The following FSIP2 variants were observed in gnomAD, a reference collection of about 807,000 sequenced individuals.
FSIP2 encodes the protein fibrous sheath interacting protein 2, also known as fibrous sheath-interacting protein 2.
Under a neutral mutation model 510.5 loss-of-function variants are expected in FSIP2, and 367 were observed. That is an observed-to-expected ratio of 0.72 (90% CI 0.66 to 0.78). The LOEUF (loss-of-function observed/expected upper bound fraction) is 0.78, where lower values mean the gene tolerates loss of function less well. Among genes scored for constraint, FSIP2 ranks in the 30% least tolerant of loss-of-function variants. The pLI is 0.00. For missense variants in FSIP2, 7,594 were observed against 7,901.7 expected (o/e 0.96, Z 1.48); for synonymous variants, 2,601 against 2,732.2 (o/e 0.95, Z 1.50).
intron 2 of FSIP2, among the ~76,000 whole-genome samples, chr2:185,741,867 G>A (rs934026830): frequency 1.3e-5 from 2 of 152,066 alleles, no homozygotes; most frequent in African/African-American, 2.4e-5. Flanking sequence ...CCTACCTTTC[G>A]AGAGTTCTTA....
chr2:185,747,893 A>G (rs534799427), intron 7 of FSIP2, among the ~76,000 whole-genome samples: 6 of 152,136 alleles, frequency 3.9e-5, no homozygotes. Context: ...ACACCCCCCA[A>G]CAATGTTTCC....
chr2:185,801,146 A>T lies in FSIP2; in HGVS notation c.11840A>T (p.Gln3947Leu). ...TCTTCTGTGTCACCTTTTGAAAGAC[A>T]GAGAACAAAGGAAATGGATAAGGTA... is the stretch of plus-strand genomic sequence containing the variant. ...KSSSVSPFER[Q>L]RTKEMDKVAI... The change falls in exon 17 of 23, where the codon CAG (glutamine) becomes CTG (leucine). Residue 3947 changes from glutamine (Q) to leucine (L), a missense_variant. Transcript: ENST00000424728. The T allele has an allele frequency of 6.5e-7, 1 of 1,533,944 alleles. No individual in the cohort carries two copies. The highest frequency in any genetic ancestry group is 8.7e-7 in the Non-Finnish European group (1 of 1,145,512).
In FSIP2 at chr2:185,800,177, A is replaced by C; in HGVS notation, c.10871A>C (p.His3624Pro). Residue 3624 changes from histidine to proline, a missense_variant, in exon 17 of 23, where the codon CAC (histidine) becomes CCC (proline). Transcript: ENST00000424728. Reference protein sequence around the residue: ...VLSKEIEVDYHFESNVRNKSF... With the variant: ...VLSKEIEVDYPFESNVRNKSF... ...TCCAAAGAAATAGAAGTAGATTATC[A>C]CTTTGAAAGCAATGTAAGAAACAAA... 6.5e-7 allele frequency: 1 copy of C among 1,533,100 alleles called. No homozygotes were observed. Among genetic ancestry groups the C allele is most frequent in the Non-Finnish European group, 8.7e-7 (1 of 1,145,264 alleles). 95.0% of individuals were successfully genotyped at this position (1,533,100 alleles called of 1,614,324 possible).
At position 185,801,032 on chromosome 2, in the gene FSIP2, G is replaced by C. The variant is rs942030306; in HGVS notation, c.11726G>C (p.Ser3909Thr). The C allele has an allele frequency of 1.3e-6, 2 of 1,531,812 alleles. No homozygotes were observed. The highest frequency in any genetic ancestry group is 1.2e-5 in the South Asian group (1 of 83,742). 94.9% of individuals were successfully genotyped at this position (1,531,812 alleles called of 1,614,324 possible). ...TCTTTAGAACTCAGGAGCTATGATAGTAATTCTTTGACAGTATCCCTGAAT... is the reference window on the plus strand; with the variant it reads ...TCTTTAGAACTCAGGAGCTATGATACTAATTCTTTGACAGTATCCCTGAAT... ...KSSLELRSYDSNSLTVSLNNP... is the reference protein window; with the variant it reads ...KSSLELRSYDTNSLTVSLNNP... The change falls in exon 17 of 23, where the codon AGT becomes ACT. Residue 3909 changes from serine (S) to threonine (T), a missense_variant. Transcript: ENST00000424728.
rs1420339207 is a variant in FSIP2 at position 185,799,859 on chromosome 2, C to T, written c.10553C>T (p.Thr3518Ile). ...TTAACTTCGAGCATTTCTGATGGCA[C>T]CAAAAAGGGTAGAGAAAAAGAGAAA... ...YHLTSSISDG[T>I]KKGREKEKAW... Residue 3518 changes from threonine (T) to isoleucine (I), a missense_variant, in exon 17 of 23, where the codon ACC becomes ATC. Thr to Ile is a moderately conservative substitution (Grantham distance 89, BLOSUM62 -1). Coordinates refer to ENST00000424728, the MANE Select transcript of FSIP2 (RefSeq NM_173651.4). The T allele has an allele frequency of 8.5e-6, 13 of 1,532,636 alleles. No homozygotes were observed. The East Asian group carries it at 2.9e-4, about 35-fold the overall frequency. 94.9% of individuals were successfully genotyped at this position (1,532,636 alleles called of 1,614,324 possible).
chr2:185,764,220 G>C (rs1179066099), intron 12 of FSIP2, among the ~76,000 whole-genome samples: 1 of 151,592 alleles, frequency 6.6e-6, no homozygotes, highest in East Asian at 1.9e-4. Context: ...AGATGTGTTA[G>C]ATGAAAGTAC....
intron 2 of FSIP2, chr2:185,740,237 C>T (rs73980260): frequency 1.3e-5 from 2 of 152,202 alleles, no homozygotes; most frequent in African/African-American, 4.8e-5. Flanking sequence ...ATAGCCCCCC[C>T]GTTAGCTTAT....
chr2:185,791,748 T>C lies in FSIP2; in HGVS notation c.4612T>C (p.Ser1538Pro), dbSNP rs564133320. 75 of 1,534,582 alleles carry C rather than the reference T, an allele frequency of 4.9e-5. No homozygotes were observed. In the Middle Eastern group the frequency reaches 3.8e-3, roughly 79 times the overall value. ...EKMAKSTKII[S>P]SIVSRRVQED... is the part of the protein sequence containing the mutation. ...AATGGCCAAATCCACCAAAATAATC[T>C]CCAGCATAGTTTCCAGAAGGGTTCA... is the stretch of plus-strand genomic sequence containing the variant. Residue 1538 changes from serine (S) to proline (P), a missense_variant, in exon 16 of 23, where the codon TCC becomes CCC. Ser to Pro is a moderately conservative substitution (Grantham distance 74). Transcript: ENST00000424728.
chr2:185,781,989 C>T (rs1423411497), intron 13 of FSIP2, among the ~76,000 whole-genome samples: 1 of 152,150 alleles, frequency 6.6e-6, no homozygotes, highest in Non-Finnish European at 1.5e-5. Flanking sequence ...CAGGCGCAGG[C>T]CGCGCCCGGC....
Position 185,804,734 on chromosome 2 carries a change from A to C in FSIP2, c.15428A>C (p.Lys5143Thr). The C allele has an allele frequency of 6.5e-7, 1 of 1,530,434 alleles. No individual in the cohort carries two copies. The highest frequency in any genetic ancestry group is 8.7e-7 in the Non-Finnish European group (1 of 1,144,342). The allele number at this position is 1,530,434 out of a possible 1,614,324, so 94.8% of individuals were successfully genotyped here. A position where few individuals can be genotyped will look rare whatever the true frequency, so the allele number is the denominator to read the frequency against. The change falls in exon 17 of 23, where the codon AAG becomes ACG. Residue 5143 changes from lysine (K) to threonine (T), a missense_variant. Transcript: ENST00000424728. ...ACTGAAAATGAACTAAAAGAGAAAAAGTTTCCACCGGATGATGAATTTGTG... is the reference window on the plus strand; with the variant it reads ...ACTGAAAATGAACTAAAAGAGAAAACGTTTCCACCGGATGATGAATTTGTG... ...THTENELKEK[K>T]FPPDDEFVEA...
At chr2:185,760,398 C>A (rs1304903857) in intron 9 of FSIP2, among the ~76,000 whole-genome samples, 1 of 129,926 alleles carries the variant, frequency 7.7e-6, no homozygotes, top group Non-Finnish European at 1.7e-5. Flanking sequence ...GGTATTTACC[C>A]AGTAAAAATG....
Position 185,806,184 on chromosome 2 carries a change from CT to C in FSIP2, c.16881del (p.Gln5628SerfsTer5). On this transcript the variant is annotated frameshift_variant, in exon 17 of 23. Coordinates refer to ENST00000424728, the MANE Select transcript of FSIP2 (RefSeq NM_173651.4). LOFTEE classifies it high-confidence loss of function. The part of the protein sequence containing the change: ...ESSFKKDDKL[F>X]QLSSLKSKRN... ...GCTCATTTAAAAAAGATGACAAGCTCTTTCAGTTATCCTCCTTGAAGTCCAA... is the reference window on the plus strand; with the variant it reads ...GCTCATTTAAAAAAGATGACAAGCTCTTCAGTTATCCTCCTTGAAGTCCAA... 1 of 1,588,804 alleles carries C rather than the reference CT, an allele frequency of 6.3e-7. No individual in the cohort carries two copies. Among genetic ancestry groups the C allele is most frequent in the Non-Finnish European group, 8.5e-7 (1 of 1,172,358 alleles).
rs1691983758 is a variant in FSIP2, at chr2:185,744,393, A to G, written c.459A>G (p.Arg153=). 2.8e-6 allele frequency: 3 copies of G among 1,082,662 alleles called. No individual in the cohort carries two copies. Among genetic ancestry groups the G allele is most frequent in the Non-Finnish European group, 3.7e-6 (3 of 800,060 alleles). 67.1% of individuals were successfully genotyped at this position (1,082,662 alleles called of 1,614,324 possible). A position where few individuals can be genotyped will look rare whatever the true frequency, so the allele number is the denominator to read the frequency against. The change falls in exon 4 of 23, where the codon AGA becomes AGG. Residue 153 remains arginine (R), a synonymous_variant. Transcript: ENST00000424728. The part of the protein sequence containing the change: ...YLTSLKLDFE[R]NYIKEQRILA... ...CCAGTTTAAAATTAGACTTTGAGAG[A>G]AACTATATAAAAGAACAAGTAAGTT... is the stretch of plus-strand genomic sequence containing the variant.
intron 17 of FSIP2, among the ~76,000 whole-genome samples, chr2:185,811,945 C>G (rs896977437): frequency 1.3e-5 from 2 of 152,124 alleles, no homozygotes; most frequent in Non-Finnish European, 2.9e-5. Context: ...CATGCCCAGG[C>G]AGAAGCCTGC....
intron 17 of FSIP2, among the ~76,000 whole-genome samples, chr2:185,810,214 C>A (rs1348890729): frequency 6.6e-6 from 1 of 152,030 alleles, no homozygotes; most frequent in Non-Finnish European, 1.5e-5. Flanking sequence ...TTTATCCCTG[C>A]CCAAATCTCA....
intron 7 of FSIP2, among the ~76,000 whole-genome samples, chr2:185,749,515 C>T (rs1020121787): frequency 1.1e-4 from 17 of 152,030 alleles, no homozygotes; most frequent in Admixed American, 9.2e-4. Flanking sequence ...TGTTAACAAT[C>T]AATAATCAGT....
chr2:185,744,703 A>G (rs994934090), intron 4 of FSIP2: 1 of 159,498 alleles, frequency 6.3e-6, no homozygotes, highest in Non-Finnish European at 1.4e-5. Context: ...TAATGCCAAT[A>G]ACAAACATCT....
chr2:185,812,609 T>C (rs1219221421), intron 17 of FSIP2, among the ~76,000 whole-genome samples: 3 of 152,088 alleles, frequency 2.0e-5, no homozygotes, highest in African/African-American at 7.2e-5. Flanking sequence ...TTCTCTGTTT[T>C]AAGGTACCAT....
intron 19 of FSIP2, among the ~76,000 whole-genome samples, chr2:185,821,408 C>T (rs2112033): frequency 0.54 from 82,587 of 151,596 alleles, 22,742 homozygotes; most frequent in South Asian, 0.64. Context: ...TTCCAAAAAA[C>T]TGAAAAGAGG....
Sources: allele counts gnomAD v4.1 joint callset (sites outside exome capture counted in the v4.1 genomes callset), GRCh38; gene constraint gnomAD v4.1.1; transcripts MANE v1.5; gene names NCBI Gene and HGNC (gene_info 2026-07-23, HGNC 2026-07-21).